Variants in C14orf93 observed in about 807,000 individuals in gnomAD.
C14orf93 encodes the protein chromosome 14 open reading frame 93.
In C14orf93, 23 loss-of-function variants were observed where a neutral mutation model predicts 44.0. The ratio of observed to expected loss-of-function variants is 0.52; its 90% CI spans 0.38 to 0.74. The LOEUF (loss-of-function observed/expected upper bound fraction) is 0.74. Among genes scored for constraint, C14orf93 ranks in the 30% least tolerant of loss-of-function variants. C14orf93 has a pLI of 0.00. For synonymous variants in C14orf93, 253 were observed against 265.7 expected (o/e 0.95, Z 0.46); for missense variants, 579 against 678.9 (o/e 0.85, Z 1.64).
At chr14:22,993,514 G>A (rs1435612054) in intron 3 of C14orf93, among the ~76,000 whole-genome samples, 2 of 152,030 alleles carry the variant, frequency 1.3e-5, no homozygotes, top group African/African-American at 4.8e-5. Context: ...AGGAGTGGGC[G>A]AATGTTTCAG....
At chr14:22,991,392 C>T (rs1163937529) in intron 3 of C14orf93, among the ~76,000 whole-genome samples, 3 of 150,530 alleles carry the variant, frequency 2.0e-5, no homozygotes, top group Admixed American at 6.6e-5. Context: ...TACAGGTGCA[C>T]CACCACCACA....
At position 22,999,040 on chromosome 14, in the gene C14orf93, A is replaced by C. The variant is rs770511831; in HGVS notation, c.-17T>G. On this transcript the variant is annotated 5_prime_UTR_variant, in exon 2 of 7. Coordinates refer to ENST00000299088, the MANE Select transcript of C14orf93 (RefSeq NM_021944.4). ...GAAGGACATGGCGGATGGGGCAGTA[A>C]CAACCACGCTTACACTGCTGGGCCG... 6 of 1,594,582 alleles carry C rather than the reference A, an allele frequency of 3.8e-6. No homozygotes were observed. The South Asian group carries it at 6.8e-5, about 18-fold the overall frequency.
At position 22,998,668 on chromosome 14, in the gene C14orf93, G is replaced by T. The variant is rs750117060; in HGVS notation, c.356C>A (p.Ser119Tyr). The T allele has an allele frequency of 3.3e-5, 53 of 1,614,014 alleles. No homozygotes were observed. The highest frequency in any genetic ancestry group is 4.0e-5 in the Non-Finnish European group (47 of 1,179,952). ...DEDGESRAHS[S>Y]PPEEPGPLKE... ...GAGAGGCCCAGGCTCCTCAGGTGGGGAACTATGTGCCCGGCTTTCCCCATC... is the reference window on the plus strand; with the variant it reads ...GAGAGGCCCAGGCTCCTCAGGTGGGTAACTATGTGCCCGGCTTTCCCCATC... The change falls in exon 2 of 7, where the codon TCC becomes TAC. Residue 119 changes from serine (S) to tyrosine (Y), a missense_variant. Transcript: ENST00000299088.
chr14:22,989,701 G>T, intron 5 of C14orf93, 41 bp downstream of exon 5: 1 of 1,316,606 alleles, frequency 7.6e-7, no homozygotes, highest in Non-Finnish European at 1.1e-6. Context: ...GGAGGAGAGG[G>T]GGAGAAAGGA....
Position 22,995,970 on chromosome 14 carries a change from C to G in C14orf93, c.896G>C (p.Arg299Pro), listed in dbSNP as rs774828374. ...TRGSGQKNSR[R>P]KRDLVLSKLV... ...CACAGAGAGTACAAGATCCCGCTTG[C>G]GCCTGGAGTTCTTCTGCCCACTTCC... is the stretch of plus-strand genomic sequence containing the variant. Residue 299 changes from arginine to proline, a missense_variant, in exon 3 of 7, where the codon CGC becomes CCC. Coordinates refer to ENST00000299088, the MANE Select transcript of C14orf93 (RefSeq NM_021944.4). 6.2e-7 allele frequency: 1 copy of G among 1,601,226 alleles called. No homozygotes were observed. The highest frequency in any genetic ancestry group is 2.2e-5 in the East Asian group (1 of 44,552).
chr14:23,001,662 G>A (rs1422345088), intron 1 of C14orf93, among the ~76,000 whole-genome samples: 12 of 151,146 alleles, frequency 7.9e-5, no homozygotes, highest in Non-Finnish European at 1.5e-5. Flanking sequence ...ACAGGGTTTC[G>A]CGCTGTTGGC....
intron 1 of C14orf93, 92 bp downstream of exon 1, chr14:23,010,009 T>G (rs2139876282): frequency 6.6e-6 from 1 of 152,110 alleles, no homozygotes; most frequent in Non-Finnish European, 1.5e-5. Flanking sequence ...TAGCAACAGT[T>G]TCCTCACCCC....
rs778370143 is a variant in C14orf93 at position 22,998,978 on chromosome 14, C to A, written c.46G>T (p.Glu16Ter). 1.2e-6 allele frequency: 2 copies of A among 1,613,240 alleles called. No individual in the cohort carries two copies. Among genetic ancestry groups the A allele is most frequent in the Admixed American group, 1.7e-5 (1 of 59,996 alleles). Residue 16 changes from glutamate (E) to a stop codon, truncating the protein, a stop_gained, in exon 2 of 7, where the codon GAG (glutamate) becomes TAG (stop). Transcript: ENST00000299088. LOFTEE classifies it high-confidence loss of function. ...CAGGCGCAGCAGCAGCATCTGGCCT[C>A]GCTGCCACTGGGAGGGGAGAAGAGA... Reference protein sequence around the residue: ...TILFSPPSGSEARCCCCACKS... With the variant: ...TILFSPPSGS
At chr14:23,006,396 A>G (rs2139812774) in intron 1 of C14orf93, 1 of 152,352 alleles carries the variant, frequency 6.6e-6, no homozygotes. Flanking sequence ...GGGGTAAAAA[A>G]GAGAGCTGTA....
At chr14:23,008,642 A>G (rs185756974) in intron 1 of C14orf93, among the ~76,000 whole-genome samples, 195 of 152,302 alleles carry the variant, frequency 1.3e-3, no homozygotes, top group Middle Eastern at 3.4e-3. Context: ...GATATTTTCC[A>G]TACAACTTCT....
chr14:23,001,424 C>T (rs1255364330), intron 1 of C14orf93, among the ~76,000 whole-genome samples: 1 of 152,146 alleles, frequency 6.6e-6, no homozygotes, highest in East Asian at 1.9e-4. Context: ...TTACCCCTAC[C>T]AGTGTTGAGC....
chr14:23,006,403 TGTAGAC>T (rs750245987), intron 1 of C14orf93: 31 of 152,324 alleles, frequency 2.0e-4, no homozygotes, highest in Non-Finnish European at 3.1e-4. Context: ...AAAAGAGAGC[TGTAGAC>T]CCAGAAGGCC....
In C14orf93 at chr14:22,996,226, C is replaced by G; in HGVS notation, c.640G>C (p.Val214Leu). The part of the protein sequence containing the change: ...YVASEGAVQR[V>L]LVPAYAKQLS... ...TGCTTGGCATAAGCAGGGACCAGAA[C>G]TCGCTGTACTGCACCCTCAGAGGCC... The change falls in exon 3 of 7, where the codon GTT becomes CTT. Residue 214 changes from valine to leucine, a missense_variant. Transcript: ENST00000299088. This position sits in a 1 kb window ranked among gnomAD's most constrained non-coding sequence, Gnocchi z 4.1. 6.3e-7 allele frequency: 1 copy of G among 1,598,364 alleles called. No individual in the cohort carries two copies. Among genetic ancestry groups the G allele is most frequent in the Non-Finnish European group, 8.6e-7 (1 of 1,169,524 alleles).
At chr14:22,992,044 T>C (rs547496734) in intron 3 of C14orf93, among the ~76,000 whole-genome samples, 2 of 152,356 alleles carry the variant, frequency 1.3e-5, no homozygotes, top group East Asian at 1.9e-4. Context: ...GTGGAGGCTA[T>C]ATTATATTAC....
chr14:22,989,811 A>G lies in C14orf93; in HGVS notation c.1015T>C (p.Phe339Leu), dbSNP rs1384746935. The change falls in exon 5 of 7, where the codon TTT becomes CTT. Residue 339 changes from phenylalanine (F) to leucine (L), a missense_variant. By Grantham distance (22) the Phe-to-Leu change is conservative. Coordinates refer to ENST00000299088, the MANE Select transcript of C14orf93 (RefSeq NM_021944.4). ...KSSWNISVVKFLLEKLKQELV... is the reference protein window; with the variant it reads ...KSSWNISVVKLLLEKLKQELV... ...TCTTGCTTGAGCTTTTCCAGAAGAA[A>G]CTTCACTACTGAAATATTCCAAGAG... 1.2e-6 allele frequency: 2 copies of G among 1,614,108 alleles called. No homozygotes were observed. Among genetic ancestry groups the G allele is most frequent in the Non-Finnish European group, 1.7e-6 (2 of 1,179,960 alleles).
At chr14:22,994,579 T>G (rs2045858325) in intron 3 of C14orf93, among the ~76,000 whole-genome samples, 2 of 146,682 alleles carry the variant, frequency 1.4e-5, no homozygotes, top group South Asian at 4.4e-4. Flanking sequence ...ATACAAAAAA[T>G]AAGCCAGGCA....
At chr14:23,001,463 T>C (rs547287033) in intron 1 of C14orf93, among the ~76,000 whole-genome samples, 7 of 152,254 alleles carry the variant, frequency 4.6e-5, no homozygotes, top group Non-Finnish European at 7.4e-5. Context: ...CTCTCTTTTA[T>C]TTTTATTTAT....
chr14:22,996,975 A>G lies in C14orf93; in HGVS notation c.598-707T>C, dbSNP rs1305315154. ...CAAAATACTGAAAGTGGGGACACACACGCACACGCACACACACACACACAC... is the reference window on the plus strand; with the variant it reads ...CAAAATACTGAAAGTGGGGACACACGCGCACACGCACACACACACACACAC... On this transcript the variant is annotated intron_variant, in intron 2 of 6. Coordinates refer to ENST00000299088, the MANE Select transcript of C14orf93 (RefSeq NM_021944.4). This position sits in a 1 kb window ranked among gnomAD's most constrained non-coding sequence, Gnocchi z 4.1. Among the ~76,000 whole-genome samples, 1 of 110,888 alleles carries G rather than the reference A, an allele frequency of 9.0e-6. No homozygotes were observed. The highest frequency in any genetic ancestry group is 1.8e-5 in the Non-Finnish European group (1 of 55,888). 72.7% of individuals were successfully genotyped at this position (110,888 alleles called of 152,430 possible).
At chr14:22,989,465 CACCTTAGGTGCAAGACCTGCATAA>C (rs747533469) in intron 5 of C14orf93, among the ~76,000 whole-genome samples, 7 of 152,348 alleles carry the variant, frequency 4.6e-5, no homozygotes, top group South Asian at 2.1e-4. Flanking sequence ...CTCCTCGTAA[CACCTTAGGTGCAAGACCTGCATAA>C]ACAGAATGCA....
Sources: allele counts gnomAD v4.1 joint callset (sites outside exome capture counted in the v4.1 genomes callset), GRCh38; gene constraint gnomAD v4.1.1; non-coding constraint Gnocchi (gnomAD v3.1); transcripts MANE v1.5; gene names NCBI Gene and HGNC (gene_info 2026-07-23, HGNC 2026-07-21).